The following HIPK2 variants were observed in gnomAD, a reference collection of about 807,000 sequenced individuals.
The protein encoded by HIPK2 is homeodomain interacting protein kinase 2, also known as homeodomain-interacting protein kinase 2.
HIPK2 carries 27 observed loss-of-function variants against 113.7 expected under a neutral mutation model. The ratio of observed to expected loss-of-function variants is 0.24; its 90% CI spans 0.17 to 0.33. HIPK2 has a LOEUF of 0.33. HIPK2 is among the 10% of genes least tolerant of loss of function. The pLI is 1.00. For synonymous variants in HIPK2, 631 were observed against 642.2 expected (o/e 0.98, Z 0.26); for missense variants, 1,257 against 1,588.0 (o/e 0.79, Z 3.54).
At position 139,613,403 on chromosome 7, in the gene HIPK2, T is replaced by C; in HGVS notation, c.1991-80A>G. On this transcript the variant is annotated intron_variant, in intron 8 of 14. Coordinates refer to ENST00000406875, the MANE Select transcript of HIPK2 (RefSeq NM_022740.5). This position sits in a 1 kb window ranked among gnomAD's most constrained non-coding sequence, Gnocchi z 4.2. The stretch of plus-strand genomic sequence containing the variant: ...GGATGAAAAGAACCTTCCTGGGCAG[T>C]TATGTCAACTTTCTGCTTCCCTTTG... 2 of 1,532,018 alleles carry C rather than the reference T, an allele frequency of 1.3e-6. No homozygotes were observed. The allele number at this position is 1,532,018 out of a possible 1,614,324, so 94.9% of individuals were successfully genotyped here.
chr7:139,730,947 T>C (rs1795759774), intron 1 of HIPK2, among the ~76,000 whole-genome samples: 1 of 152,120 alleles, frequency 6.6e-6, no homozygotes. Context: ...CCCAGCATTG[T>C]TGGGAGCCAT....
In HIPK2 at chr7:139,777,912, G is replaced by T; in HGVS notation, c.-289C>A. On this transcript the variant is annotated 5_prime_UTR_variant, in exon 1 of 15. Coordinates refer to ENST00000406875, the MANE Select transcript of HIPK2 (RefSeq NM_022740.5). Reference sequence around the variant, plus strand: ...GCGGAGCGGCCGAGGCCGAGGCGCCGAGCGGCCGCGGCCCCCGAGCGGATC... The same window carrying T: ...GCGGAGCGGCCGAGGCCGAGGCGCCTAGCGGCCGCGGCCCCCGAGCGGATC... The T allele has an allele frequency of 7.0e-6, 1 of 143,860 alleles. No homozygotes were observed. Among genetic ancestry groups the T allele is most frequent in the South Asian group, 2.1e-4 (1 of 4,674 alleles). 8.9% of individuals were successfully genotyped at this position (143,860 alleles called of 1,614,324 possible). A position where few individuals can be genotyped will look rare whatever the true frequency, so the allele number is the denominator to read the frequency against.
chr7:139,619,731 T>G (rs911682478), intron 7 of HIPK2, among the ~76,000 whole-genome samples: 1 of 152,072 alleles, frequency 6.6e-6, no homozygotes, highest in African/African-American at 2.4e-5. Flanking sequence ...GAATCTTTAT[T>G]TTTTTTAGAT....
chr7:139,669,939 T>C (rs1412713641), intron 2 of HIPK2, among the ~76,000 whole-genome samples: 1 of 152,196 alleles, frequency 6.6e-6, no homozygotes, highest in Non-Finnish European at 1.5e-5. Flanking sequence ...TATTTACTTT[T>C]TGTGGCCATG....
Position 139,716,421 on chromosome 7 carries a change from A to C in HIPK2, c.614T>G (p.Leu205Trp). Reference protein sequence around the residue: ...MTNTYEVLEFLGRGTFGQVVK... With the variant: ...MTNTYEVLEFWGRGTFGQVVK... Reference sequence around the variant, plus strand: ...CACTTGCCCAAACGTCCCTCGGCCCAAGAACTCTAAGACCTCGTAGGTGTT... The same window carrying C: ...CACTTGCCCAAACGTCCCTCGGCCCCAGAACTCTAAGACCTCGTAGGTGTT... Residue 205 changes from leucine to tryptophan, a missense_variant, in exon 2 of 15, where the codon TTG becomes TGG. Coordinates refer to ENST00000406875, the MANE Select transcript of HIPK2 (RefSeq NM_022740.5). The surrounding 1 kb of genome is among the most constrained non-coding windows in gnomAD (Gnocchi z 9.3). 6.2e-7 allele frequency: 1 copy of C among 1,614,000 alleles called. No individual in the cohort carries two copies. The highest frequency in any genetic ancestry group is 8.5e-7 in the Non-Finnish European group (1 of 1,179,900).
chr7:139,685,339 T>A (rs1268591620), intron 2 of HIPK2, among the ~76,000 whole-genome samples: 1 of 152,054 alleles, frequency 6.6e-6, no homozygotes, highest in Non-Finnish European at 1.5e-5. Context: ...GCCAGCTAAT[T>A]TTTTGTACAG....
chr7:139,689,693 T>C (rs1042613653), intron 2 of HIPK2, among the ~76,000 whole-genome samples: 21 of 152,196 alleles, frequency 1.4e-4, no homozygotes, highest in African/African-American at 5.1e-4. Context: ...TTCCCATTGG[T>C]CCAAGGGTCA....
At chr7:139,647,788 A>C (rs757898410) in intron 2 of HIPK2, among the ~76,000 whole-genome samples, 3 of 152,234 alleles carry the variant, frequency 2.0e-5, no homozygotes, top group Non-Finnish European at 4.4e-5. Flanking sequence ...AAAACCTGTG[A>C]GATGTTTGAA....
intron 2 of HIPK2, among the ~76,000 whole-genome samples, chr7:139,674,264 C>T (rs1802414779): frequency 2.0e-5 from 3 of 152,186 alleles, no homozygotes; most frequent in Admixed American, 2.0e-4. Context: ...CTCATCAGCT[C>T]AGATTTGACA....
intron 2 of HIPK2, among the ~76,000 whole-genome samples, chr7:139,658,965 T>C (rs1585340901): frequency 6.6e-6 from 1 of 152,136 alleles, no homozygotes; most frequent in Admixed American, 6.5e-5. Flanking sequence ...TTCACTACAA[T>C]GGATGTCTTA....
rs993486438 is a variant in HIPK2 at position 139,587,902 on chromosome 7, ATAGT to A, written c.2718-3842_2718-3839del. Among the ~76,000 whole-genome samples, 17 of 152,240 alleles carry A rather than the reference ATAGT, an allele frequency of 1.1e-4. No individual in the cohort carries two copies. In the East Asian group the frequency reaches 1.7e-3, roughly 16 times the overall value. On this transcript the variant is annotated intron_variant, in intron 12 of 14. Coordinates refer to ENST00000406875, the MANE Select transcript of HIPK2 (RefSeq NM_022740.5). ...AAAGAAAATAAATAAATAAATAAAA[ATAGT>A]TAGGTACGGTGGCTGACACCTGTAA... is the stretch of plus-strand genomic sequence containing the variant.
intron 1 of HIPK2, among the ~76,000 whole-genome samples, chr7:139,771,812 G>A (rs994302955): frequency 1.3e-5 from 2 of 152,164 alleles, no homozygotes; most frequent in Non-Finnish European, 2.9e-5. Flanking sequence ...AACCGGCTCT[G>A]TGAGGAAAAA....
At chr7:139,736,974 A>G (rs959886438) in intron 1 of HIPK2, among the ~76,000 whole-genome samples, 4 of 152,218 alleles carry the variant, frequency 2.6e-5, no homozygotes, top group African/African-American at 9.6e-5. Flanking sequence ...CAAGGGGTAG[A>G]AACTCTGTTG....
chr7:139,775,298 G>A (rs1392705649), intron 1 of HIPK2, among the ~76,000 whole-genome samples: 1 of 152,092 alleles, frequency 6.6e-6, no homozygotes, highest in Non-Finnish European at 1.5e-5. Context: ...GGAGAAAGGA[G>A]GTCATCAGAG....
chr7:139,616,826 C>G (rs946468176), intron 7 of HIPK2, among the ~76,000 whole-genome samples: 1 of 152,204 alleles, frequency 6.6e-6, no homozygotes, highest in Non-Finnish European at 1.5e-5. Flanking sequence ...TCCTTCCTCT[C>G]GATTCTGTAA....
chr7:139,718,094 T>C (rs2116959540), intron 1 of HIPK2, among the ~76,000 whole-genome samples: 1 of 152,260 alleles, frequency 6.6e-6, no homozygotes, highest in South Asian at 2.1e-4. Context: ...TAGATAAACT[T>C]AGAAACCTAT....
intron 1 of HIPK2, among the ~76,000 whole-genome samples, chr7:139,772,616 C>T (rs1225188375): frequency 6.6e-6 from 1 of 152,124 alleles, no homozygotes; most frequent in Non-Finnish European, 1.5e-5. Flanking sequence ...GAGAAAGACT[C>T]TCGCTCCATT....
intron 7 of HIPK2, 95 bp downstream of exon 7, chr7:139,620,306 G>C: frequency 6.6e-7 from 1 of 1,508,874 alleles, no homozygotes; most frequent in Non-Finnish European, 9.0e-7. Flanking sequence ...ATGACAGCAG[G>C]AATTTTGCCT....
chr7:139,638,641 A>G (rs997963266), intron 2 of HIPK2, among the ~76,000 whole-genome samples: 1 of 150,558 alleles, frequency 6.6e-6, no homozygotes, highest in Non-Finnish European at 1.5e-5. Context: ...CTGGAGAAAG[A>G]GAGTAAATAA....
Sources: gnomAD v4.1 joint callset for allele counts (sites outside exome capture counted in the v4.1 genomes callset) on GRCh38, gnomAD v4.1.1 for gene constraint, Gnocchi (gnomAD v3.1) non-coding constraint, MANE v1.5 for transcripts, NCBI Gene and HGNC (gene_info 2026-07-23, HGNC 2026-07-21) for gene names.